IRF2: variants seen among roughly 807,000 people sequenced by gnomAD.
IRF2 encodes the protein interferon regulatory factor 2.
Under a neutral mutation model 40.6 loss-of-function variants are expected in IRF2, and 15 were observed. That is an observed-to-expected ratio of 0.37 (90% CI 0.25 to 0.57). The LOEUF is 0.57. Among genes scored for constraint, IRF2 ranks in the 20% least tolerant of loss-of-function variants. IRF2 has a pLI of 0.77. For synonymous variants in IRF2, 151 were observed against 165.5 expected (o/e 0.91, Z 0.67); for missense variants, 317 against 455.7 (o/e 0.70, Z 2.77).
chr4:184,435,253 C>A (rs533002080), intron 1 of IRF2, among the ~76,000 whole-genome samples: 13 of 152,212 alleles, frequency 8.5e-5, no homozygotes, highest in Non-Finnish European at 1.8e-4. Flanking sequence ...TTAGAAAGCA[C>A]TGAGTTATGA....
chr4:184,403,365 G>C (rs560219191), intron 6 of IRF2, among the ~76,000 whole-genome samples: 2 of 152,226 alleles, frequency 1.3e-5, no homozygotes, highest in Non-Finnish European at 2.9e-5. Context: ...GAAAAGACAG[G>C]AATAACAAAC....
chr4:184,398,906 G>A lies in IRF2; in HGVS notation c.694+9C>T. ...CCCACGCCTCCCGGAGCCTCCCGCT[G>A]ACGCTTACCTGCATAGGAAGACACG... On this transcript the variant is annotated intron_variant, in intron 7 of 8. Transcript: ENST00000393593. 6.3e-7 allele frequency: 1 copy of A among 1,585,640 alleles called. No individual in the cohort carries two copies. The highest frequency in any genetic ancestry group is 1.1e-5 in the South Asian group (1 of 87,302).
chr4:184,419,571 G>GAAAAAAAA lies in IRF2; in HGVS notation c.88-11_88-4dup. Reference sequence around the variant, plus strand: ...GGGATCTGAAAAATCTTCTTTTCCTGAAAAAAAAAAAAAAAAAAAAGGTAA... The same window carrying GAAAAAAAA: ...GGGATCTGAAAAATCTTCTTTTCCTGAAAAAAAAAAAAAAAAAAAAAAAAAAAAGGTAA... On this transcript the variant is annotated splice_polypyrimidine_tract_variant and splice_region_variant and intron_variant, in intron 2 of 8. Transcript: ENST00000393593. 19 of 911,508 alleles carry GAAAAAAAA rather than the reference G, an allele frequency of 2.1e-5. No individual in the cohort carries two copies. The highest frequency in any genetic ancestry group is 2.7e-5 in the East Asian group (1 of 37,496). 56.5% of individuals were successfully genotyped at this position (911,508 alleles called of 1,614,324 possible).
intron 1 of IRF2, among the ~76,000 whole-genome samples, chr4:184,456,497 G>A (rs1021149686): frequency 4.6e-5 from 7 of 152,258 alleles, no homozygotes; most frequent in Admixed American, 4.6e-4. Flanking sequence ...ACTGCTGGAA[G>A]GTTTCCCTGA....
chr4:184,435,721 G>A (rs556206604), intron 1 of IRF2, among the ~76,000 whole-genome samples: 1 of 152,264 alleles, frequency 6.6e-6, no homozygotes, highest in Non-Finnish European at 1.5e-5. Context: ...TGACTGAGGA[G>A]ACAAAAATTG....
intron 6 of IRF2, among the ~76,000 whole-genome samples, chr4:184,406,525 G>A (rs1456308782): frequency 1.3e-5 from 2 of 152,186 alleles, no homozygotes; most frequent in Non-Finnish European, 2.9e-5. Flanking sequence ...ACCGCGCCCA[G>A]CCTCAGAGCT....
chr4:184,398,588 GGAGGTTACAGTGAGCC>G (rs1404663891), intron 7 of IRF2, among the ~76,000 whole-genome samples: 1 of 151,664 alleles, frequency 6.6e-6, no homozygotes, highest in African/African-American at 2.4e-5. Context: ...CCTGGGAGGC[GGAGGTTACAGTGAGCC>G]GAGATCATCC....
intron 7 of IRF2, among the ~76,000 whole-genome samples, chr4:184,393,570 T>C (rs568237824): frequency 6.6e-6 from 1 of 152,344 alleles, no homozygotes; most frequent in Admixed American, 6.5e-5. Context: ...GTGACCGGGA[T>C]GCTAACTTCC....
chr4:184,470,559 C>T (rs1434812943), intron 1 of IRF2, among the ~76,000 whole-genome samples: 4 of 151,982 alleles, frequency 2.6e-5, no homozygotes, highest in Non-Finnish European at 4.4e-5. Context: ...CGCACGCCTG[C>T]GCACACCTGT....
rs1187609643 is a variant in IRF2 at position 184,448,977 on chromosome 4, G to C, written c.-6-19907C>G. 6.6e-6 allele frequency: 1 copy of C among 152,286 alleles called. No individual in the cohort carries two copies. Among genetic ancestry groups the C allele is most frequent in the East Asian group, 1.9e-4 (1 of 5,198 alleles). The allele number at this position is 152,286 out of a possible 1,614,324, so 9.4% of individuals were successfully genotyped here. On this transcript the variant is annotated intron_variant, in intron 1 of 8. Transcript: ENST00000393593. This position sits in a 1 kb window ranked among gnomAD's most constrained non-coding sequence, Gnocchi z 4.3. Reference sequence around the variant, plus strand: ...CAGTTCCACTTGCTCGTACTTGGCTGAACACTGCAGTTACTCCCCTGGCCT... The same window carrying C: ...CAGTTCCACTTGCTCGTACTTGGCTCAACACTGCAGTTACTCCCCTGGCCT...
intron 1 of IRF2, among the ~76,000 whole-genome samples, chr4:184,466,164 C>T (rs955953411): frequency 6.6e-6 from 1 of 151,744 alleles, no homozygotes; most frequent in Non-Finnish European, 1.5e-5. Flanking sequence ...GATTCTCCTG[C>T]CTCAGCCTCC....
In IRF2 at chr4:184,399,880, C is replaced by T. The variant is rs187486103; in HGVS notation, c.530-801G>A. On this transcript the variant is annotated intron_variant, in intron 6 of 8. Coordinates refer to ENST00000393593, the MANE Select transcript of IRF2 (RefSeq NM_002199.4). The stretch of plus-strand genomic sequence containing the variant: ...TTTCTTATATTGTTTATTTTGAGAT[C>T]ATTGTAAACTCACATACAGTTGTAA... 4.7e-4 allele frequency among the ~76,000 whole-genome samples: 71 copies of T among 152,326 alleles called. 1 individual carries two copies. Among genetic ancestry groups the T allele is most frequent in the Non-Finnish European group, 2.9e-5 (2 of 68,024 alleles).
chr4:184,429,190 G>A (rs1280630502), intron 1 of IRF2, 120 bp from the exon 2 acceptor site: 10 of 670,988 alleles, frequency 1.5e-5, no homozygotes, highest in Admixed American at 1.1e-4. Context: ...GGGGACCAGG[G>A]GGCTGGGGGG....
intron 2 of IRF2, among the ~76,000 whole-genome samples, chr4:184,425,324 C>T (rs761629691): frequency 2.0e-5 from 3 of 152,264 alleles, no homozygotes; most frequent in East Asian, 1.9e-4. Flanking sequence ...CCTAAGTTAA[C>T]GGAAACCTAT....
intron 2 of IRF2, among the ~76,000 whole-genome samples, chr4:184,428,375 G>C (rs548429178): frequency 6.6e-6 from 1 of 152,296 alleles, no homozygotes; most frequent in East Asian, 1.9e-4. Context: ...AAGGAAGAGG[G>C]TAAGAATCCT....
At chr4:184,389,125 A>C in intron 8 of IRF2, 59 bp from the exon 9 acceptor site, 1 of 1,537,146 alleles carries the variant, frequency 6.5e-7, no homozygotes, top group Non-Finnish European at 9.0e-7. Context: ...TGGCTTTTTA[A>C]AAATGCATCA....
At chr4:184,444,723 A>G (rs1738440021) in intron 1 of IRF2, among the ~76,000 whole-genome samples, 1 of 152,246 alleles carries the variant, frequency 6.6e-6, no homozygotes, top group African/African-American at 2.4e-5. Flanking sequence ...TGTCCTGGGC[A>G]GGAAGAGGTG....
rs149961421 is a variant in IRF2, at chr4:184,464,771, T to G, written c.-7+9608A>C. Reference sequence around the variant, plus strand: ...CCCAGGTTACAAGTGTCTCACATTCTGAAAGGTTAGGATAAGACCCCTGGA... The same window carrying G: ...CCCAGGTTACAAGTGTCTCACATTCGGAAAGGTTAGGATAAGACCCCTGGA... On this transcript the variant is annotated intron_variant, in intron 1 of 8. Coordinates refer to ENST00000393593, the MANE Select transcript of IRF2 (RefSeq NM_002199.4). 2.0e-3 allele frequency among the ~76,000 whole-genome samples: 306 copies of G among 152,302 alleles called. 1 individual carries two copies. The highest frequency in any genetic ancestry group is 7.0e-3 in the African/African-American group (290 of 41,560).
chr4:184,447,376 T>C (rs1157057865), intron 1 of IRF2, among the ~76,000 whole-genome samples: 2 of 152,202 alleles, frequency 1.3e-5, no homozygotes, highest in Non-Finnish European at 2.9e-5. Flanking sequence ...ATGAAAAAGC[T>C]TTCCCATAAT....
Sources: gnomAD v4.1 joint callset for allele counts (sites outside exome capture counted in the v4.1 genomes callset) on GRCh38, gnomAD v4.1.1 for gene constraint, Gnocchi (gnomAD v3.1) non-coding constraint, MANE v1.5 for transcripts, NCBI Gene and HGNC (gene_info 2026-07-23, HGNC 2026-07-21) for gene names.